NVL: variants seen among roughly 807,000 people sequenced by gnomAD.
The protein encoded by NVL is nuclear VCP like.
A neutral mutation model predicts 110.2 loss-of-function variants in NVL; 84 were observed. The ratio of observed to expected loss-of-function variants is 0.76; its 90% CI spans 0.64 to 0.91. The LOEUF (loss-of-function observed/expected upper bound fraction) is 0.91, where lower values mean the gene tolerates loss of function less well. Among genes scored for constraint, NVL ranks in the 40% least tolerant of loss-of-function variants. NVL has a pLI of 0.00. For missense variants in NVL, 882 were observed against 1,035.9 expected (o/e 0.85, Z 2.04); for synonymous variants, 354 against 361.1 (o/e 0.98, Z 0.22).
At chr1:224,227,755 G>A (rs2102678488) in intron 22 of NVL, 85 bp from the exon 23 acceptor site, 8 of 1,270,606 alleles carry the variant, frequency 6.3e-6, no homozygotes, top group Non-Finnish European at 7.9e-6. Flanking sequence ...ACATGCTGCA[G>A]TCCGCACCCG....
intron 18 of NVL, among the ~76,000 whole-genome samples, chr1:224,254,442 G>T (rs1662915735): frequency 1.4e-5 from 2 of 139,136 alleles, no homozygotes; most frequent in Admixed American, 7.8e-5. Context: ...GCCCAGGCTG[G>T]AGTGCAATGG....
At chr1:224,314,753 A>G (rs1669898453) in intron 4 of NVL, among the ~76,000 whole-genome samples, 1 of 152,258 alleles carries the variant, frequency 6.6e-6, no homozygotes, top group Admixed American at 6.5e-5. Flanking sequence ...TATGACAGAC[A>G]TTCCAAAAAT....
chr1:224,296,383 C>CTT, intron 11 of NVL, 118 bp downstream of exon 11: 1 of 564,962 alleles, frequency 1.8e-6, no homozygotes, highest in Admixed American at 3.6e-5. Context: ...CCCAGTATGA[C>CTT]TTTTTTTTTA....
intron 9 of NVL, among the ~76,000 whole-genome samples, chr1:224,302,209 C>T (rs1668486847): frequency 6.8e-6 from 1 of 148,144 alleles, no homozygotes; most frequent in South Asian, 2.1e-4. Context: ...TTTCTTTTTT[C>T]TTTTTTTTTT....
intron 11 of NVL, 69 bp from the exon 12 acceptor site, chr1:224,294,480 C>T: frequency 6.7e-7 from 1 of 1,496,108 alleles, no homozygotes; most frequent in East Asian, 2.3e-5. Flanking sequence ...GTTACAGAAT[C>T]ATTTCATGGT....
intron 12 of NVL, among the ~76,000 whole-genome samples, chr1:224,292,014 A>G (rs928001781): frequency 2.0e-4 from 30 of 152,254 alleles, no homozygotes; most frequent in African/African-American, 7.2e-4. Flanking sequence ...CTTGATCCAC[A>G]GAAACTGTGA....
At chr1:224,271,523 G>A (rs4654013) in intron 17 of NVL, among the ~76,000 whole-genome samples, 80,076 of 151,546 alleles carry the variant, frequency 0.53, 22,375 homozygotes, top group East Asian at 0.87. Context: ...AAACAGAAGC[G>A]TAAAATATAA....
chr1:224,305,177 A>C lies in NVL; in HGVS notation c.616-11T>G. The C allele has an allele frequency of 6.3e-7, 1 of 1,593,014 alleles. No individual in the cohort carries two copies. Among genetic ancestry groups the C allele is most frequent in the Non-Finnish European group, 8.5e-7 (1 of 1,174,764 alleles). ...AGAATCTTTTGAATCCTGGAAAGAA[A>C]ATAAATTTAAATATGCCATGCTTAA... is the stretch of plus-strand genomic sequence containing the variant. On this transcript the variant is annotated splice_polypyrimidine_tract_variant and intron_variant, in intron 6 of 22. Transcript: ENST00000281701.
intron 1 of NVL, among the ~76,000 whole-genome samples, chr1:224,328,442 C>T (rs1461959069): frequency 1.3e-5 from 2 of 148,892 alleles, no homozygotes; most frequent in South Asian, 2.2e-4. Flanking sequence ...ATCACTTGAA[C>T]CCAGGAGGCA....
intron 16 of NVL, among the ~76,000 whole-genome samples, chr1:224,277,110 T>C (rs1367282683): frequency 6.6e-6 from 1 of 152,176 alleles, no homozygotes. Flanking sequence ...TTCACTATAT[T>C]ATATTACAAA....
intron 19 of NVL, among the ~76,000 whole-genome samples, chr1:224,244,266 C>T (rs1303557137): frequency 6.6e-6 from 1 of 151,042 alleles, no homozygotes; most frequent in Admixed American, 6.6e-5. Flanking sequence ...ATTTGGGAGG[C>T]TGAGGCAGGA....
At chr1:224,292,536 AAC>A (rs1392575950) in intron 12 of NVL, among the ~76,000 whole-genome samples, 2 of 152,168 alleles carry the variant, frequency 1.3e-5, no homozygotes, top group African/African-American at 4.8e-5. Flanking sequence ...TTGCCTCTGC[AAC>A]CCAGTCCCGC....
At chr1:224,236,015 CCTCT>C (rs1253923236) in intron 20 of NVL, among the ~76,000 whole-genome samples, 2 of 151,912 alleles carry the variant, frequency 1.3e-5, no homozygotes, top group Admixed American at 6.6e-5. Flanking sequence ...TCATTTCCTC[CCTCT>C]GTGTCCCCAA....
intron 18 of NVL, among the ~76,000 whole-genome samples, chr1:224,253,815 G>A (rs556623613): frequency 7.9e-5 from 12 of 151,252 alleles, no homozygotes; most frequent in African/African-American, 2.7e-4. Flanking sequence ...CCCATCATCA[G>A]TGCATGAAAG....
chr1:224,317,748 T>A lies in NVL; in HGVS notation c.230A>T (p.Glu77Val). ...TTTTGCCAAATGTTCATCTTCTAAT[T>A]CTGTTAAATTCTTAAGTTCCTTCTC... is the stretch of plus-strand genomic sequence containing the variant. ...SSEKELKNLTELEDEHLAKRA... is the reference protein window; with the variant it reads ...SSEKELKNLTVLEDEHLAKRA... Residue 77 changes from glutamate to valine, a missense_variant, in exon 4 of 23, where the codon GAA (glutamate) becomes GTA (valine). By Grantham distance (121) the Glu-to-Val change is moderately radical (BLOSUM62 -2). Transcript: ENST00000281701. The A allele has an allele frequency of 6.2e-7, 1 of 1,610,280 alleles. No individual in the cohort carries two copies.
intron 22 of NVL, among the ~76,000 whole-genome samples, chr1:224,230,604 A>T (rs1370818897): frequency 6.6e-6 from 1 of 152,038 alleles, no homozygotes; most frequent in African/African-American, 2.4e-5. Context: ...ACTCTGTCTC[A>T]AAAAAATAAA....
chr1:224,243,367 G>A (rs894204867), intron 19 of NVL, among the ~76,000 whole-genome samples: 5 of 151,712 alleles, frequency 3.3e-5, no homozygotes, highest in Non-Finnish European at 2.9e-5. Context: ...GAGCAGAGGC[G>A]GGAGGATCAC....
At chr1:224,265,533 T>C (rs1335287038) in intron 18 of NVL, among the ~76,000 whole-genome samples, 1 of 151,930 alleles carries the variant, frequency 6.6e-6, no homozygotes, top group African/African-American at 2.4e-5. Context: ...TAAAATAAAA[T>C]AAACAAACTT....
At chr1:224,261,120 C>T (rs945409755) in intron 18 of NVL, among the ~76,000 whole-genome samples, 7 of 152,030 alleles carry the variant, frequency 4.6e-5, no homozygotes, top group African/African-American at 1.4e-4. Flanking sequence ...ATGATCTGCC[C>T]GCCTCGGCCT....
Sources: gnomAD v4.1 joint callset for allele counts (sites outside exome capture counted in the v4.1 genomes callset) on GRCh38, gnomAD v4.1.1 for gene constraint, MANE v1.5 for transcripts, NCBI Gene and HGNC (gene_info 2026-07-23, HGNC 2026-07-21) for gene names.